FKBP15: variants seen among roughly 807,000 people sequenced by gnomAD.
FKBP15 encodes FKBP prolyl isomerase family member 15, also known as FK506-binding protein 15.
FKBP15 carries 106 observed loss-of-function variants against 158.1 expected under a neutral mutation model. The ratio of observed to expected loss-of-function variants is 0.67; its 90% CI spans 0.57 to 0.79. The LOEUF (loss-of-function observed/expected upper bound fraction) is 0.79. Among genes scored for constraint, FKBP15 ranks in the 30% least tolerant of loss-of-function variants. FKBP15 has a pLI of 0.00. For synonymous variants in FKBP15, 547 were observed against 548.6 expected (o/e 1.00, Z 0.04); for missense variants, 1,287 against 1,479.1 (o/e 0.87, Z 2.13).
At position 113,169,154 on chromosome 9, in the gene FKBP15, C is replaced by T. The variant is rs898753517; in HGVS notation, c.3485+70G>A. 6 of 1,516,260 alleles carry T rather than the reference C, an allele frequency of 4.0e-6. No homozygotes were observed. In the East Asian group the frequency reaches 6.9e-5, roughly 17 times the overall value. 93.9% of individuals were successfully genotyped at this position (1,516,260 alleles called of 1,614,324 possible). On this transcript the variant is annotated intron_variant, in intron 26 of 27. Coordinates refer to ENST00000238256, the MANE Select transcript of FKBP15 (RefSeq NM_015258.2). ...AGTCTCTGAGGGATGAGTTGCCAGC[C>T]CTGGAAAAAACAGAGACACTCACCA...
At chr9:113,169,177 C>T in intron 26 of FKBP15, 47 bp downstream of exon 26, 1 of 1,554,306 alleles carries the variant, frequency 6.4e-7, no homozygotes. Flanking sequence ...GAGACACTCA[C>T]CACAGATAAC....
In FKBP15 at chr9:113,168,344, GCA is replaced by G. The variant is rs1378661146; in HGVS notation, c.3582+114_3582+115del. ...CCCAAGCCTGCTCCCACAGGGCCCT[GCA>G]CACAGAGTCCAGGGAGTGGGCCACC... On this transcript the variant is annotated intron_variant, in intron 27 of 27. Transcript: ENST00000238256. 1.2e-5 allele frequency: 10 copies of G among 851,016 alleles called. No homozygotes were observed. The Admixed American group carries it at 1.8e-4, about 15-fold the overall frequency. The allele number at this position is 851,016 out of a possible 1,614,324, so 52.7% of individuals were successfully genotyped here.
At chr9:113,179,034 A>AT (rs1418006115) in intron 19 of FKBP15, among the ~76,000 whole-genome samples, 17 of 149,992 alleles carry the variant, frequency 1.1e-4, no homozygotes, top group Admixed American at 2.0e-4. Context: ...TATACTTAAA[A>AT]TTTTTTTTTT....
At position 113,162,730 on chromosome 9, in the gene FKBP15, G is replaced by C; in HGVS notation, c.*3348C>G. On this transcript the variant is annotated 3_prime_UTR_variant, in exon 28 of 28. Coordinates refer to ENST00000238256, the MANE Select transcript of FKBP15 (RefSeq NM_015258.2). ...ACCAGCTCATTACCAGGATTAACTT[G>C]CTTCTCCTTTTTATCTAGGTGGTAT... The C allele has an allele frequency of 6.2e-7, 1 of 1,602,288 alleles. No individual in the cohort carries two copies. Among genetic ancestry groups the C allele is most frequent in the Non-Finnish European group, 8.5e-7 (1 of 1,173,236 alleles).
chr9:113,207,184 C>G, intron 3 of FKBP15, 28 bp downstream of exon 3: 8 of 1,586,294 alleles, frequency 5.0e-6, no homozygotes, highest in Non-Finnish European at 6.9e-6. Context: ...CACCAAACTT[C>G]AGAGGGTGTT....
intron 19 of FKBP15, among the ~76,000 whole-genome samples, chr9:113,181,775 G>T (rs907564135): frequency 1.3e-5 from 2 of 152,136 alleles, no homozygotes; most frequent in Non-Finnish European, 2.9e-5. Context: ...AGGAAGAGAA[G>T]AAATAAAAGT....
intron 1 of FKBP15, among the ~76,000 whole-genome samples, chr9:113,215,605 C>CGTGT (rs58387523): frequency 8.3e-4 from 83 of 99,542 alleles, no homozygotes; most frequent in Non-Finnish European, 1.0e-3. Flanking sequence ...TATATGTGTG[C>CGTGT]GTGTGTGTGT....
At position 113,199,817 on chromosome 9, in the gene FKBP15, G is replaced by A. The variant is rs1830753929; in HGVS notation, c.645C>T (p.Gly215=). 6.2e-7 allele frequency: 1 copy of A among 1,611,614 alleles called. No individual in the cohort carries two copies. The highest frequency in any genetic ancestry group is 8.5e-7 in the Non-Finnish European group (1 of 1,178,896). Residue 215 remains glycine, a synonymous_variant, in exon 7 of 28, where the codon GGC becomes GGT. Coordinates refer to ENST00000238256, the MANE Select transcript of FKBP15 (RefSeq NM_015258.2). The stretch of plus-strand genomic sequence containing the variant: ...CTTGCAGGGTGCATTTTCTTACCTG[G>A]CCCAGCACATGATTCTGAAAGAGCC... ...TGWLFQNHVL[G]QVFDSTANKD... is the part of the protein sequence containing the mutation.
chr9:113,196,879 G>C, intron 9 of FKBP15, 53 bp downstream of exon 9: 13 of 1,571,518 alleles, frequency 8.3e-6, no homozygotes, highest in Non-Finnish European at 1.1e-5. Context: ...TGTGTAACTA[G>C]CAAAGAGACA....
intron 4 of FKBP15, among the ~76,000 whole-genome samples, chr9:113,205,724 A>T (rs1475925955): frequency 1.3e-5 from 2 of 152,148 alleles, no homozygotes; most frequent in Non-Finnish European, 2.9e-5. Context: ...CACGATACAT[A>T]CTTTTTTTGT....
chr9:113,161,679 G>T lies in FKBP15; in HGVS notation c.*4399C>A, dbSNP rs1161668192. The T allele has an allele frequency of 1.2e-6, 2 of 1,613,980 alleles. No individual in the cohort carries two copies. The highest frequency in any genetic ancestry group is 3.3e-5 in the Admixed American group (2 of 60,032). The stretch of plus-strand genomic sequence containing the variant: ...CTCTGCAGGCTCAGATTCATTCCCT[G>T]TTGGCAGAACCCACCACAGGTACAG... On this transcript the variant is annotated 3_prime_UTR_variant, in exon 28 of 28. Coordinates refer to ENST00000238256, the MANE Select transcript of FKBP15 (RefSeq NM_015258.2).
chr9:113,177,562 T>C (rs1378194692), intron 20 of FKBP15, among the ~76,000 whole-genome samples: 2 of 152,198 alleles, frequency 1.3e-5, no homozygotes, highest in Admixed American at 6.5e-5. Flanking sequence ...GGCGGAAGGA[T>C]GGCTTGAGGT....
intron 11 of FKBP15, among the ~76,000 whole-genome samples, chr9:113,191,646 A>C (rs1830577767): frequency 6.8e-6 from 1 of 148,136 alleles, no homozygotes; most frequent in Non-Finnish European, 1.5e-5. Flanking sequence ...TATATATATA[A>C]TATAAATTAT....
At position 113,166,107 on chromosome 9, in the gene FKBP15, C is replaced by T. The variant is rs938913750; in HGVS notation, c.3631G>A (p.Asp1211Asn). The T allele has an allele frequency of 3.1e-6, 5 of 1,613,636 alleles. No homozygotes were observed. The African/African-American group carries it at 4.0e-5, about 13-fold the overall frequency. ...PPTPLFGDDDDDDDIDWLG is the reference protein window; with the variant it reads ...PPTPLFGDDDNDDDIDWLG Reference sequence around the variant, plus strand: ...CCCAGCCAGTCAATGTCATCGTCATCATCATCATCTCCAAAAAGGGGCGTT... The same window carrying T: ...CCCAGCCAGTCAATGTCATCGTCATTATCATCATCTCCAAAAAGGGGCGTT... Residue 1211 changes from aspartate (D) to asparagine (N), a missense_variant, in exon 28 of 28, where the codon GAT (aspartate) becomes AAT (asparagine). Coordinates refer to ENST00000238256, the MANE Select transcript of FKBP15 (RefSeq NM_015258.2).
rs139752598 is a variant in FKBP15 at position 113,213,572 on chromosome 9, T to C, written c.54-1980A>G. Among the ~76,000 whole-genome samples the C allele has an allele frequency of 4.7e-3, 554 of 117,522 alleles. 6 individuals carry two copies. The highest frequency in any genetic ancestry group is 0.019 in the African/African-American group (519 of 27,998). 77.1% of individuals were successfully genotyped at this position (117,522 alleles called of 152,430 possible). A position where few individuals can be genotyped will look rare whatever the true frequency, so the allele number is the denominator to read the frequency against. On this transcript the variant is annotated intron_variant, in intron 1 of 27. Transcript: ENST00000238256. ...CTAGGTGACAGAGCAAGACCCTGTC[T>C]CCCCCGAACCAAAAAAAAAAAAAGG...
intron 18 of FKBP15, among the ~76,000 whole-genome samples, chr9:113,183,546 C>A (rs957192184): frequency 1.3e-5 from 2 of 152,154 alleles, no homozygotes; most frequent in Non-Finnish European, 2.9e-5. Flanking sequence ...AGGAATCAAA[C>A]ACAGGTCTGC....
intron 6 of FKBP15, among the ~76,000 whole-genome samples, chr9:113,200,875 CT>C (rs754588585): frequency 3.7e-4 from 56 of 152,002 alleles, no homozygotes; most frequent in Middle Eastern, 3.4e-3. Flanking sequence ...GAAACCCTGT[CT>C]CTACTAAAAA....
At chr9:113,202,697 G>A in intron 5 of FKBP15, 68 bp from the exon 6 acceptor site, 1 of 1,271,190 alleles carries the variant, frequency 7.9e-7, no homozygotes, top group Non-Finnish European at 1.1e-6. Flanking sequence ...GACGGCCTAA[G>A]CTCATAGAGT....
intron 14 of FKBP15, 36 bp from the exon 15 acceptor site, chr9:113,186,399 C>T: frequency 2.2e-6 from 3 of 1,375,242 alleles, no homozygotes; most frequent in Non-Finnish European, 2.0e-6. Flanking sequence ...GTTGATAAAA[C>T]ATTCATGTCT....
Sources: gnomAD v4.1 joint callset for allele counts (sites outside exome capture counted in the v4.1 genomes callset) on GRCh38, gnomAD v4.1.1 for gene constraint, MANE v1.5 for transcripts, NCBI Gene and HGNC (gene_info 2026-07-23, HGNC 2026-07-21) for gene names.